DOCK8: variants seen among roughly 807,000 people sequenced by gnomAD.
DOCK8 encodes the protein dedicator of cytokinesis 8, also known as dedicator of cytokinesis protein 8.
Under a neutral mutation model 245.6 loss-of-function variants are expected in DOCK8, and 141 were observed. That is an observed-to-expected ratio of 0.57 (90% CI 0.50 to 0.66). The LOEUF is 0.66. Among genes scored for constraint, DOCK8 ranks in the 30% least tolerant of loss-of-function variants. The pLI is 0.00. For synonymous variants in DOCK8, 1,168 were observed against 970.2 expected (o/e 1.20, Z -3.79); for missense variants, 2,965 against 2,603.4 (o/e 1.14, Z -3.02).
At chr9:393,085 C>CAAAAAAAAA (rs1159933739) in intron 24 of DOCK8, among the ~76,000 whole-genome samples, 82 of 44,696 alleles carry the variant, frequency 1.8e-3, no homozygotes, top group East Asian at 6.3e-3. Flanking sequence ...GACCCTGTCT[C>CAAAAAAAAA]AAAAAAAAAA....
intron 14 of DOCK8, among the ~76,000 whole-genome samples, chr9:354,872 C>A (rs1283031791): frequency 2.6e-5 from 4 of 152,202 alleles, no homozygotes; most frequent in Admixed American, 1.3e-4. Context: ...AGCCTAATCT[C>A]AAGAGCAGTA....
intron 7 of DOCK8, among the ~76,000 whole-genome samples, chr9:322,927 T>A (rs1340486585): frequency 6.6e-6 from 1 of 151,968 alleles, no homozygotes; most frequent in African/African-American, 2.4e-5. Flanking sequence ...ACCCCATCTC[T>A]ACTAAATATA....
At position 371,427 on chromosome 9, in the gene DOCK8, G is replaced by A; in HGVS notation, c.1869-1G>A. ...TTGTGTATAATGTGCTTTTGAAACA[G>A]GTCTCCTGACTTTTATGAAGAAGTG... On this transcript the variant is annotated splice_acceptor_variant, in intron 16 of 47. Coordinates refer to ENST00000432829, the MANE Select transcript of DOCK8 (RefSeq NM_203447.4). LOFTEE classifies it high-confidence loss of function. The A allele has an allele frequency of 6.2e-7, 1 of 1,614,116 alleles. No homozygotes were observed. The highest frequency in any genetic ancestry group is 8.5e-7 in the Non-Finnish European group (1 of 1,180,002).
chr9:447,629 T>C (rs2057305417), intron 44 of DOCK8, among the ~76,000 whole-genome samples: 1 of 152,230 alleles, frequency 6.6e-6, no homozygotes, highest in South Asian at 2.1e-4. Context: ...GAAAGAAATC[T>C]TTTTCTTTCC....
At chr9:276,970 C>A in intron 2 of DOCK8, 1 of 342,420 alleles carries the variant, frequency 2.9e-6, no homozygotes, top group Non-Finnish European at 6.1e-6. Context: ...TTGCGCCTGG[C>A]TAATTTTTGT....
chr9:354,247 A>C (rs1039184452), intron 14 of DOCK8, among the ~76,000 whole-genome samples: 1 of 152,080 alleles, frequency 6.6e-6, no homozygotes, highest in African/African-American at 2.4e-5. Flanking sequence ...CAGGAGAATC[A>C]CTTGAACCCG....
At position 328,082 on chromosome 9, in the gene DOCK8, C is replaced by A; in HGVS notation, c.955C>A (p.His319Asn). 1 of 1,614,192 alleles carries A rather than the reference C, an allele frequency of 6.2e-7. No homozygotes were observed. The highest frequency in any genetic ancestry group is 8.5e-7 in the Non-Finnish European group (1 of 1,180,014). ...SDQFKGFLRA[H>N]TPSVAASSQA... ...CCAGTTCAAAGGATTTCTGCGAGCT[C>A]ACACGCCTTCAGTGGCCGCATCAAG... The change falls in exon 9 of 48, where the codon CAC (histidine) becomes AAC (asparagine). Residue 319 changes from histidine to asparagine, a missense_variant. By Grantham distance (68) the His-to-Asn change is moderately conservative. Transcript: ENST00000432829.
At chr9:440,265 C>G (rs2131802188) in intron 40 of DOCK8, among the ~76,000 whole-genome samples, 1 of 152,266 alleles carries the variant, frequency 6.6e-6, no homozygotes, top group East Asian at 1.9e-4. Context: ...AGTGATCTGC[C>G]CATCTTGGCC....
At chr9:248,483 CCTCT>C (rs148294528) in intron 1 of DOCK8, among the ~76,000 whole-genome samples, 5,019 of 151,628 alleles carry the variant, frequency 0.033, 270 homozygotes, top group African/African-American at 0.11. Context: ...CCTCCTCTCT[CCTCT>C]CTTTCTTCCT....
intron 36 of DOCK8, 35 bp from the exon 37 acceptor site, chr9:432,131 T>C (rs1282443203): frequency 6.3e-7 from 1 of 1,575,086 alleles, no homozygotes; most frequent in Admixed American, 1.9e-5. Context: ...TGTGTCTTAT[T>C]TACTTCATCT....
At chr9:369,414 T>A (rs574741444) in intron 15 of DOCK8, 34 of 152,420 alleles carry the variant, frequency 2.2e-4, no homozygotes, top group African/African-American at 7.9e-4. Context: ...GATTACTGCA[T>A]CTAGAGGAAA....
At chr9:365,595 G>C in intron 14 of DOCK8, 2 of 448,576 alleles carry the variant, frequency 4.5e-6, no homozygotes, top group South Asian at 1.6e-5. Flanking sequence ...TTTCAGAGAA[G>C]TCTTCCAGGT....
intron 7 of DOCK8, 28 bp from the exon 8 acceptor site, chr9:325,643 C>T (rs541283310): frequency 1.9e-6 from 3 of 1,602,268 alleles, no homozygotes; most frequent in Admixed American, 3.3e-5. Flanking sequence ...CTCAAAGCCA[C>T]ATAGATTTTC....
rs531239047 is a variant in DOCK8, at chr9:450,188, G to A, written c.5961+261G>A. On this transcript the variant is annotated intron_variant, in intron 45 of 47. Coordinates refer to ENST00000432829, the MANE Select transcript of DOCK8 (RefSeq NM_203447.4). ...TAAGGAGTACCACTTTCTCAGAGGA[G>A]TCTCCACTTCGGGGCCAGACCTGAC... is the stretch of plus-strand genomic sequence containing the variant. 1.4e-3 allele frequency among the ~76,000 whole-genome samples: 206 copies of A among 152,278 alleles called. 3 individuals carry two copies. The highest frequency in any genetic ancestry group is 5.0e-3 in the Admixed American group (77 of 15,300).
intron 46 of DOCK8, among the ~76,000 whole-genome samples, chr9:459,345 T>C (rs10974583): frequency 6.6e-6 from 1 of 152,070 alleles, no homozygotes; most frequent in Non-Finnish European, 1.5e-5. Flanking sequence ...AAATAATTTT[T>C]TGCATTATAA....
At chr9:246,207 A>G (rs2047502479) in intron 1 of DOCK8, among the ~76,000 whole-genome samples, 1 of 151,818 alleles carries the variant, frequency 6.6e-6, no homozygotes, top group Admixed American at 6.6e-5. Flanking sequence ...TGACAGAGTG[A>G]CACCCATCTC....
chr9:241,252 T>C (rs1318469860), intron 1 of DOCK8, among the ~76,000 whole-genome samples: 1 of 152,174 alleles, frequency 6.6e-6, no homozygotes, highest in African/African-American at 2.4e-5. Context: ...ATCCTCCCTT[T>C]AAGTATTTGA....
chr9:293,600 C>T (rs1169554434), intron 4 of DOCK8, among the ~76,000 whole-genome samples: 4 of 152,208 alleles, frequency 2.6e-5, no homozygotes, highest in African/African-American at 9.7e-5. Flanking sequence ...GTGTGCAACA[C>T]CTTCTTATCT....
intron 1 of DOCK8, among the ~76,000 whole-genome samples, chr9:251,302 A>C (rs1276709835): frequency 6.6e-6 from 1 of 152,238 alleles, no homozygotes; most frequent in African/African-American, 2.4e-5. Flanking sequence ...AAAAAAATCA[A>C]TGTTTAGAAG....
Sources: gnomAD v4.1 joint callset for allele counts (sites outside exome capture counted in the v4.1 genomes callset) on GRCh38, gnomAD v4.1.1 for gene constraint, MANE v1.5 for transcripts, NCBI Gene and HGNC (gene_info 2026-07-23, HGNC 2026-07-21) for gene names.